SGCD: variants seen among roughly 807,000 people sequenced by gnomAD.
The protein encoded by SGCD is delta-sarcoglycan.
A neutral mutation model predicts 36.6 loss-of-function variants in SGCD; 18 were observed. The observed-to-expected ratio is 0.49, with a 90% CI of 0.34 to 0.73. The LOEUF (loss-of-function observed/expected upper bound fraction) is 0.73. SGCD is among the 30% of genes least tolerant of loss of function. SGCD has a pLI of 0.01. For missense variants in SGCD, 387 were observed against 346.7 expected (o/e 1.12, Z -0.92); for synonymous variants, 133 against 130.6 (o/e 1.02, Z -0.12).
intron 7 of SGCD, among the ~76,000 whole-genome samples, chr5:156,735,475 C>T (rs1490316643): frequency 6.6e-6 from 1 of 152,132 alleles, no homozygotes; most frequent in South Asian, 2.1e-4. Flanking sequence ...TGAGGTTCTT[C>T]CCTGTGAAGA....
chr5:156,534,413 CT>C (rs1448085498), intron 4 of SGCD, among the ~76,000 whole-genome samples: 1 of 152,124 alleles, frequency 6.6e-6, no homozygotes, highest in East Asian at 1.9e-4. Context: ...TGTTCATGGC[CT>C]TGCCATATCC....
chr5:156,426,663 G>A lies in SGCD; in HGVS notation c.193-81938G>A, dbSNP rs144164381. Reference sequence around the variant, plus strand: ...AGCCAGTGTCTAGAAGAATTTTCCTGATGTTATCTTGAAGAACATTTATGG... The same window carrying A: ...AGCCAGTGTCTAGAAGAATTTTCCTAATGTTATCTTGAAGAACATTTATGG... On this transcript the variant is annotated intron_variant, in intron 3 of 8. Coordinates refer to ENST00000337851, the MANE Select transcript of SGCD (RefSeq NM_000337.6). Among the ~76,000 whole-genome samples, 424 of 152,086 alleles carry A rather than the reference G, an allele frequency of 2.8e-3. 2 individuals carry two copies. The highest frequency in any genetic ancestry group is 9.5e-3 in the African/African-American group (396 of 41,508).
At chr5:156,118,401 G>T (rs1304083802) in intron 2 of SGCD, among the ~76,000 whole-genome samples, 1 of 152,112 alleles carries the variant, frequency 6.6e-6, no homozygotes, top group Non-Finnish European at 1.5e-5. Flanking sequence ...TAAGGCAAAG[G>T]GGGGACCTGT....
intron 3 of SGCD, among the ~76,000 whole-genome samples, chr5:156,491,969 T>G (rs987748976): frequency 6.6e-6 from 1 of 152,100 alleles, no homozygotes; most frequent in Non-Finnish European, 1.5e-5. Context: ...TGTTCTATAA[T>G]TGGGTTTCCC....
intron 3 of SGCD, among the ~76,000 whole-genome samples, chr5:156,310,539 A>C (rs937636841): frequency 6.6e-6 from 1 of 152,156 alleles, no homozygotes; most frequent in South Asian, 2.1e-4. Context: ...AATTAACCAC[A>C]GTTTACTGTT....
chr5:155,874,661 T>C (rs1383503926), intron 1 of SGCD, among the ~76,000 whole-genome samples: 2 of 152,052 alleles, frequency 1.3e-5, no homozygotes, highest in Non-Finnish European at 2.9e-5. Context: ...GAAAAGATGC[T>C]CAATGTCATT....
chr5:156,628,948 A>G (rs921289738), intron 6 of SGCD, among the ~76,000 whole-genome samples: 8 of 152,338 alleles, frequency 5.3e-5, no homozygotes, highest in Non-Finnish European at 7.3e-5. Context: ...CTGCATTCCT[A>G]GATAGTCACT....
chr5:156,582,787 G>A (rs577376849), intron 4 of SGCD, among the ~76,000 whole-genome samples: 148 of 152,114 alleles, frequency 9.7e-4, no homozygotes, highest in African/African-American at 3.4e-3. Flanking sequence ...ACACACAGAC[G>A]CACACAGGTG....
rs749556271 is a variant in SGCD, at chr5:156,582,821, G to GCA, written c.295-6391_295-6390dup. ...TGCATGCATGCACGCATGTGCACGC[G>GCA]CACACACACACACACACACAAACAC... On this transcript the variant is annotated intron_variant, in intron 4 of 8. Coordinates refer to ENST00000337851, the MANE Select transcript of SGCD (RefSeq NM_000337.6). Among the ~76,000 whole-genome samples the GCA allele has an allele frequency of 5.1e-3, 771 of 150,662 alleles. 7 individuals carry two copies. Among genetic ancestry groups the GCA allele is most frequent in the African/African-American group, 0.013 (539 of 41,232 alleles).
chr5:156,303,750 A>G, intron 3 of SGCD, among the ~76,000 whole-genome samples: 1 of 151,672 alleles, frequency 6.6e-6, no homozygotes. Flanking sequence ...TATATATGTC[A>G]TTCAGGAGCT....
intron 7 of SGCD, among the ~76,000 whole-genome samples, chr5:156,730,424 C>G (rs894998446): frequency 6.6e-6 from 1 of 152,152 alleles, no homozygotes; most frequent in African/African-American, 2.4e-5. Flanking sequence ...CTGTATGTAT[C>G]CATGTGTTCT....
chr5:156,754,857 A>T (rs1282006139), intron 7 of SGCD, among the ~76,000 whole-genome samples: 2 of 152,256 alleles, frequency 1.3e-5, no homozygotes, highest in African/African-American at 4.8e-5. Flanking sequence ...CCAGCAAAAC[A>T]GATCAGAACA....
intron 3 of SGCD, among the ~76,000 whole-genome samples, chr5:156,319,058 C>A (rs113789074): frequency 0.051 from 7,820 of 152,204 alleles, 645 homozygotes; most frequent in African/African-American, 0.18. Context: ...TCAGGGCATG[C>A]CAATAAAGCC....
At chr5:156,164,128 A>C (rs1013586292) in intron 3 of SGCD, among the ~76,000 whole-genome samples, 1 of 151,622 alleles carries the variant, frequency 6.6e-6, no homozygotes, top group African/African-American at 2.4e-5. Context: ...AAATGACTCT[A>C]AAATGAGTCT....
the SGCD span, among the ~76,000 whole-genome samples, chr5:155,767,992 A>G: frequency 6.6e-6 from 1 of 152,198 alleles, no homozygotes; most frequent in East Asian, 1.9e-4. Context: ...AGAGAATTTT[A>G]TACCTGTAAA....
intron 3 of SGCD, among the ~76,000 whole-genome samples, chr5:156,387,746 C>A (rs1771346840): frequency 6.6e-6 from 1 of 152,096 alleles, no homozygotes; most frequent in Non-Finnish European, 1.5e-5. Flanking sequence ...AAAACAACTT[C>A]AAGAAAAATA....
chr5:156,365,699 T>A (rs1177286319), intron 3 of SGCD, among the ~76,000 whole-genome samples: 4 of 152,208 alleles, frequency 2.6e-5, no homozygotes, highest in Admixed American at 2.6e-4. Flanking sequence ...TGGGCATATA[T>A]GTGTGTATGT....
At chr5:156,278,712 T>C (rs1485757057) in intron 3 of SGCD, among the ~76,000 whole-genome samples, 3 of 152,198 alleles carry the variant, frequency 2.0e-5, no homozygotes, top group Non-Finnish European at 4.4e-5. Flanking sequence ...ACCTTTTTCA[T>C]TGCAGTGTAA....
chr5:155,825,679 C>T, the SGCD span, among the ~76,000 whole-genome samples: 7,793 of 151,328 alleles, frequency 0.051, 255 homozygotes, highest in Middle Eastern at 0.14. Flanking sequence ...AGTCCTGGAT[C>T]GAGGAGTGCA....
Sources: allele counts gnomAD v4.1 joint callset (sites outside exome capture counted in the v4.1 genomes callset), GRCh38; gene constraint gnomAD v4.1.1; transcripts MANE v1.5; gene names NCBI Gene and HGNC (gene_info 2026-07-23, HGNC 2026-07-21).